Variants in PTPRT observed in about 807,000 individuals in gnomAD.
PTPRT encodes protein tyrosine phosphatase receptor type T, also known as receptor-type tyrosine-protein phosphatase T.
A neutral mutation model predicts 176.8 loss-of-function variants in PTPRT; 56 were observed. That is an observed-to-expected ratio of 0.32 (90% CI 0.26 to 0.40). The LOEUF is 0.40. Ranked by LOEUF, PTPRT falls within the 10% of genes least tolerant of loss-of-function variation. The pLI, the probability that PTPRT is intolerant of heterozygous loss-of-function variation, is 1.00. For synonymous variants in PTPRT, 783 were observed against 739.0 expected (o/e 1.06, Z -0.96); for missense variants, 1,540 against 1,908.2 (o/e 0.81, Z 3.60).
At chr20:42,730,619 G>C (rs2146262156) in intron 6 of PTPRT, among the ~76,000 whole-genome samples, 1 of 152,234 alleles carries the variant, frequency 6.6e-6, no homozygotes, top group South Asian at 2.1e-4. Flanking sequence ...TGTCAGTTCT[G>C]GTTCACTTTG....
At chr20:42,402,104 A>G (rs2058914145) in intron 9 of PTPRT, among the ~76,000 whole-genome samples, 2 of 152,164 alleles carry the variant, frequency 1.3e-5, no homozygotes. Flanking sequence ...AGCAGAGAAT[A>G]GAGAAAAGTG....
Position 42,472,443 on chromosome 20 carries a change from G to A in PTPRT, c.1273C>T (p.Gln425Ter). The A allele has an allele frequency of 6.2e-7, 1 of 1,614,246 alleles. No individual in the cohort carries two copies. Among genetic ancestry groups the A allele is most frequent in the Non-Finnish European group, 8.5e-7 (1 of 1,180,040 alleles). Residue 425 changes from glutamine to a stop codon, truncating the protein, a stop_gained, in exon 8 of 31, where the codon CAG becomes TAG. Coordinates refer to ENST00000373187, the MANE Select transcript of PTPRT (RefSeq NM_007050.6). LOFTEE classifies it high-confidence loss of function. Reference sequence around the variant, plus strand: ...TGCTGGTTGAACACATACTGGTACTGCACGGTGAGGTTGTAGCTATGGCAG... The same window carrying A: ...TGCTGGTTGAACACATACTGGTACTACACGGTGAGGTTGTAGCTATGGCAG... Reference protein sequence around the residue: ...TRCHSYNLTVQYQYVFNQQQY... With the variant: ...TRCHSYNLTV
intron 7 of PTPRT, among the ~76,000 whole-genome samples, chr20:42,622,800 G>T (rs563034309): frequency 6.6e-6 from 1 of 152,120 alleles, no homozygotes; most frequent in Non-Finnish European, 1.5e-5. Context: ...GCACTGATAC[G>T]GACAGGAGAT....
intron 7 of PTPRT, among the ~76,000 whole-genome samples, chr20:42,551,906 T>C (rs1284308084): frequency 6.6e-6 from 1 of 152,190 alleles, no homozygotes; most frequent in Non-Finnish European, 1.5e-5. Flanking sequence ...CCCTTTCTAC[T>C]ATTTAGCAAT....
chr20:42,972,870 C>G (rs1044680729), intron 1 of PTPRT, among the ~76,000 whole-genome samples: 1 of 152,002 alleles, frequency 6.6e-6, no homozygotes, highest in Non-Finnish European at 1.5e-5. Flanking sequence ...GGTGCAGTAG[C>G]CACTAGCCAT....
intron 2 of PTPRT, among the ~76,000 whole-genome samples, chr20:42,798,332 A>G (rs1283379723): frequency 6.6e-6 from 1 of 152,228 alleles, no homozygotes; most frequent in Admixed American, 6.5e-5. Context: ...TAGTCATAAT[A>G]AAAGTGAAAG....
At chr20:42,679,454 A>G (rs1255389195) in intron 6 of PTPRT, among the ~76,000 whole-genome samples, 1 of 152,186 alleles carries the variant, frequency 6.6e-6, no homozygotes, top group East Asian at 1.9e-4. Context: ...AAAAAAATCA[A>G]ACTGAATATA....
chr20:43,017,592 AC>A (rs1367312569), intron 1 of PTPRT, among the ~76,000 whole-genome samples: 1 of 152,018 alleles, frequency 6.6e-6, no homozygotes, highest in African/African-American at 2.4e-5. Context: ...ACTTGCCTGC[AC>A]CTGTGGCCAT....
At chr20:42,538,565 C>A (rs948306889) in intron 7 of PTPRT, among the ~76,000 whole-genome samples, 28 of 152,274 alleles carry the variant, frequency 1.8e-4, no homozygotes, top group African/African-American at 6.0e-4. Flanking sequence ...AATTAATTGG[C>A]CGCTCAGAAA....
intron 27 of PTPRT, among the ~76,000 whole-genome samples, chr20:42,094,916 CTG>C (rs1350876546): frequency 6.6e-6 from 1 of 152,152 alleles, no homozygotes; most frequent in Admixed American, 6.5e-5. Context: ...CAGGGTGTCA[CTG>C]TGTTGTCCAG....
intron 7 of PTPRT, among the ~76,000 whole-genome samples, chr20:42,553,320 C>T (rs578120418): frequency 6.6e-6 from 1 of 152,242 alleles, no homozygotes; most frequent in South Asian, 2.1e-4. Flanking sequence ...CTTTCTCCCA[C>T]ATATGCATTT....
At chr20:42,388,712 T>A (rs1178624746) in intron 9 of PTPRT, among the ~76,000 whole-genome samples, 2 of 152,236 alleles carry the variant, frequency 1.3e-5, no homozygotes, top group Non-Finnish European at 2.9e-5. Flanking sequence ...TGGAAGACAG[T>A]GTGGCGACTC....
intron 5 of PTPRT, among the ~76,000 whole-genome samples, chr20:42,757,913 G>A (rs2076859159): frequency 6.6e-6 from 1 of 152,170 alleles, no homozygotes; most frequent in Non-Finnish European, 1.5e-5. Flanking sequence ...TCTACTATGT[G>A]CCAGCCCCTG....
chr20:42,421,255 C>T (rs111532840), intron 9 of PTPRT, among the ~76,000 whole-genome samples: 77 of 135,746 alleles, frequency 5.7e-4, no homozygotes, highest in African/African-American at 1.8e-3. Context: ...TACACACACA[C>T]GCACGCACGC....
chr20:42,235,250 A>T (rs2056217796), intron 15 of PTPRT, among the ~76,000 whole-genome samples: 1 of 146,352 alleles, frequency 6.8e-6, no homozygotes, highest in African/African-American at 2.8e-5. Flanking sequence ...TGTTGTTGTT[A>T]TTTATTATTA....
At chr20:42,033,600 G>C in the PTPRT span, among the ~76,000 whole-genome samples, 1 of 152,154 alleles carries the variant, frequency 6.6e-6, no homozygotes, top group Non-Finnish European at 1.5e-5. Context: ...GCATGGTTAA[G>C]AGGGAAGGTT....
intron 6 of PTPRT, among the ~76,000 whole-genome samples, chr20:42,721,887 C>G (rs1169708399): frequency 6.6e-6 from 1 of 152,214 alleles, no homozygotes; most frequent in South Asian, 2.1e-4. Context: ...TAGTGATAAC[C>G]TCCCAGTGAT....
At chr20:42,616,746 T>C (rs2074087346) in intron 7 of PTPRT, among the ~76,000 whole-genome samples, 1 of 126,054 alleles carries the variant, frequency 7.9e-6, no homozygotes, top group Non-Finnish European at 1.6e-5. Context: ...GTTTGTCTGT[T>C]GTTGGTGTAT....
At chr20:42,679,014 G>A (rs562114815) in intron 6 of PTPRT, among the ~76,000 whole-genome samples, 1 of 152,286 alleles carries the variant, frequency 6.6e-6, no homozygotes, top group East Asian at 1.9e-4. Flanking sequence ...AGAAAGTCAT[G>A]GGTCACAGCA....
Sources: gnomAD v4.1 joint callset for allele counts (sites outside exome capture counted in the v4.1 genomes callset) on GRCh38, gnomAD v4.1.1 for gene constraint, MANE v1.5 for transcripts, NCBI Gene and HGNC (gene_info 2026-07-23, HGNC 2026-07-21) for gene names.